The following TMEM30A variants were observed in gnomAD, a reference collection of about 807,000 sequenced individuals.
The protein encoded by TMEM30A is cell cycle control protein 50A.
Under a neutral mutation model 38.2 loss-of-function variants are expected in TMEM30A, and 24 were observed. That is an observed-to-expected ratio of 0.63 (90% confidence interval 0.46 to 0.88). The LOEUF is 0.88. Among genes scored for constraint, TMEM30A ranks in the 40% least tolerant of loss-of-function variants. The pLI is 0.00. For missense variants in TMEM30A, 370 were observed against 458.6 expected (o/e 0.81, Z 1.77); for synonymous variants, 145 against 161.6 (o/e 0.90, Z 0.78).
intron 1 of TMEM30A, chr6:75,272,943 A>G (rs1334576003): frequency 1.3e-5 from 2 of 152,258 alleles, no homozygotes; most frequent in African/African-American, 4.8e-5. Flanking sequence ...ACTCCCACAT[A>G]GACCAGTGAA....
At chr6:75,261,993 T>A (rs1266343013) in intron 3 of TMEM30A, among the ~76,000 whole-genome samples, 1 of 152,232 alleles carries the variant, frequency 6.6e-6, no homozygotes, top group Non-Finnish European at 1.5e-5. Context: ...ATTTACTATC[T>A]ATGTGTCAGG....
intron 6 of TMEM30A, 49 bp downstream of exon 6, chr6:75,258,731 G>A (rs778642940): frequency 2.6e-5 from 40 of 1,551,192 alleles, no homozygotes; most frequent in Admixed American, 6.8e-5. Context: ...GGTTGGACTC[G>A]ACTCCTTTCA....
chr6:75,277,858 G>A (rs775635546), intron 1 of TMEM30A, among the ~76,000 whole-genome samples: 1 of 152,096 alleles, frequency 6.6e-6, no homozygotes, highest in African/African-American at 2.4e-5. Context: ...AGTGCGCTAC[G>A]ACTGTACCAC....
At position 75,258,916 on chromosome 6, in the gene TMEM30A, G is replaced by T; in HGVS notation, c.756C>A (p.Phe252Leu). 3 of 1,613,910 alleles carry T rather than the reference G, an allele frequency of 1.9e-6. No individual in the cohort carries two copies. The highest frequency in any genetic ancestry group is 2.5e-6 in the Non-Finnish European group (3 of 1,179,932). ...MLDSDPDNNG[F>L]INEDFIVWMR... Reference sequence around the variant, plus strand: ...TCCAAACAATAAAATCCTCATTTATGAATCCATTATTATCTGGGTCAGAAT... The same window carrying T: ...TCCAAACAATAAAATCCTCATTTATTAATCCATTATTATCTGGGTCAGAAT... Residue 252 changes from phenylalanine to leucine, a missense_variant, in exon 6 of 7, where the codon TTC (phenylalanine) becomes TTA (leucine). Coordinates refer to ENST00000230461, the MANE Select transcript of TMEM30A (RefSeq NM_018247.4).
rs893912523 is a variant in TMEM30A, at chr6:75,284,742, C to T, written c.-104G>A. On this transcript the variant is annotated 5_prime_UTR_variant, in exon 1 of 7. Coordinates refer to ENST00000230461, the MANE Select transcript of TMEM30A (RefSeq NM_018247.4). ...CGAGCGCCGCTGCCGCCGCCGCCGCCGCAGCCACCAGCGCCACCGCCACAG... is the reference window on the plus strand; with the variant it reads ...CGAGCGCCGCTGCCGCCGCCGCCGCTGCAGCCACCAGCGCCACCGCCACAG... The T allele has an allele frequency of 9.0e-7, 1 of 1,115,274 alleles. No homozygotes were observed. The highest frequency in any genetic ancestry group is 1.3e-5 in the South Asian group (1 of 79,968). 69.1% of individuals were successfully genotyped at this position (1,115,274 alleles called of 1,614,324 possible).
At chr6:75,283,653 T>TAA (rs77411428) in intron 1 of TMEM30A, among the ~76,000 whole-genome samples, 1 of 135,510 alleles carries the variant, frequency 7.4e-6, no homozygotes, top group Non-Finnish European at 1.6e-5. Context: ...GCTCTTTTTG[T>TAA]AAAAAAAAAA....
At position 75,256,218 on chromosome 6, in the gene TMEM30A, A is replaced by G. The variant is rs1051873933; in HGVS notation, c.970T>C (p.Phe324Leu). 1 of 1,613,660 alleles carries G rather than the reference A, an allele frequency of 6.2e-7. No individual in the cohort carries two copies. The highest frequency in any genetic ancestry group is 1.3e-5 in the African/African-American group (1 of 75,034). Residue 324 changes from phenylalanine (F) to leucine (L), a missense_variant, in exon 7 of 7, where the codon TTT becomes CTT. Transcript: ENST00000230461. The part of the protein sequence containing the change: ...TISWMGGKNP[F>L]LGIAYIAVGS... ...ACAGCGATGTAAGCAATCCCCAAAAATGGATTTTTTCCTCCCATCCATGAA... is the reference window on the plus strand; with the variant it reads ...ACAGCGATGTAAGCAATCCCCAAAAGTGGATTTTTTCCTCCCATCCATGAA...
At chr6:75,282,071 C>A (rs890569085) in intron 1 of TMEM30A, among the ~76,000 whole-genome samples, 7 of 152,204 alleles carry the variant, frequency 4.6e-5, no homozygotes, top group African/African-American at 1.7e-4. Context: ...TTAAACACAT[C>A]CTGCTTTTTT....
Position 75,284,587 on chromosome 6 carries a change from C to T in TMEM30A, c.52G>A (p.Ala18Thr). The T allele has an allele frequency of 6.2e-7, 1 of 1,613,676 alleles. No individual in the cohort carries two copies. Among genetic ancestry groups the T allele is most frequent in the Non-Finnish European group, 8.5e-7 (1 of 1,179,906 alleles). ...CGAGTCTTCGCGGTGCCCCCCGGAGCACACGGGGGCCCACCGTCCACTTCA... is the reference window on the plus strand; with the variant it reads ...CGAGTCTTCGCGGTGCCCCCCGGAGTACACGGGGGCCCACCGTCCACTTCA... ...KDEVDGGPPC[A>T]PGGTAKTRRP... is the part of the protein sequence containing the mutation. The change falls in exon 1 of 7, where the codon GCT becomes ACT. Residue 18 changes from alanine to threonine, a missense_variant. Ala to Thr is a moderately conservative substitution (Grantham distance 58). Coordinates refer to ENST00000230461, the MANE Select transcript of TMEM30A (RefSeq NM_018247.4).
intron 1 of TMEM30A, among the ~76,000 whole-genome samples, chr6:75,269,787 T>C (rs923565894): frequency 6.6e-6 from 1 of 152,244 alleles, no homozygotes; most frequent in Middle Eastern, 3.4e-3. Flanking sequence ...CTCCGCCTCC[T>C]GGGTTCAAGT....
In TMEM30A at chr6:75,267,719, A is replaced by T; in HGVS notation, c.267T>A (p.Ser89Arg). 1 of 1,610,580 alleles carries T rather than the reference A, an allele frequency of 6.2e-7. No homozygotes were observed. The highest frequency in any genetic ancestry group is 8.5e-7 in the Non-Finnish European group (1 of 1,178,334). The change falls in exon 2 of 7, where the codon AGT (serine) becomes AGA (arginine). Residue 89 changes from serine (S) to arginine (R), a missense_variant. By Grantham distance (110) the Ser-to-Arg change is moderately radical (BLOSUM62 -1). Transcript: ENST00000230461. ...CCGGAGATAAACATTTATTACAGGGACTGGAAGGCTCTGTTCCGGTATAAT... is the reference window on the plus strand; with the variant it reads ...CCGGAGATAAACATTTATTACAGGGTCTGGAAGGCTCTGTTCCGGTATAAT... ...EIDYTGTEPS[S>R]PCNKCLSPDV... is the part of the protein sequence containing the mutation.
intron 2 of TMEM30A, among the ~76,000 whole-genome samples, chr6:75,266,661 T>C (rs1208462424): frequency 6.6e-6 from 1 of 152,200 alleles, no homozygotes; most frequent in African/African-American, 2.4e-5. Context: ...ATAGAGCTTC[T>C]ATATCACTAC....
intron 1 of TMEM30A, chr6:75,272,391 T>G (rs991216754): frequency 6.6e-6 from 1 of 152,258 alleles, no homozygotes; most frequent in Admixed American, 6.5e-5. Flanking sequence ...CCTTCCTTAT[T>G]TGGAAATGTT....
rs1771865082 is a variant in TMEM30A, at chr6:75,256,247, G to A, written c.941C>T (p.Thr314Ile). 6.2e-7 allele frequency: 1 copy of A among 1,613,468 alleles called. No homozygotes were observed. The highest frequency in any genetic ancestry group is 1.7e-5 in the Admixed American group (1 of 59,980). The change falls in exon 7 of 7, where the codon ACT becomes ATT. Residue 314 changes from threonine to isoleucine, a missense_variant. Transcript: ENST00000230461. ...ATTTTTTCCTCCCATCCATGAAATA[G>A]TGCTCAAGATCATCCGTTTTCGTCC... ...FDGRKRMILSTISWMGGKNPF... is the reference protein window; with the variant it reads ...FDGRKRMILSIISWMGGKNPF...
chr6:75,271,261 T>C (rs1772163794), intron 1 of TMEM30A, among the ~76,000 whole-genome samples: 1 of 152,134 alleles, frequency 6.6e-6, no homozygotes, highest in Non-Finnish European at 1.5e-5. Context: ...TTTTTTTAAC[T>C]GAACAAAAAT....
At chr6:75,260,688 C>T in intron 4 of TMEM30A, 136 bp downstream of exon 4, 1 of 457,820 alleles carries the variant, frequency 2.2e-6, no homozygotes, top group Non-Finnish European at 3.8e-6. Context: ...CATTATAATA[C>T]CCCATTCAAT....
chr6:75,269,239 A>C (rs1029041764), intron 1 of TMEM30A, among the ~76,000 whole-genome samples: 2 of 152,172 alleles, frequency 1.3e-5, no homozygotes, highest in African/African-American at 4.8e-5. Flanking sequence ...ACGTATAATG[A>C]GTATCCACCA....
At position 75,253,494 on chromosome 6, in the gene TMEM30A, A is replaced by T. The variant is rs1476535931; in HGVS notation, c.*2608T>A. On this transcript the variant is annotated 3_prime_UTR_variant, in exon 7 of 7. Transcript: ENST00000230461. ...TTAACAATGAATTACATTTTATCCC[A>T]TCCAGGCATGAAGAAGTTAAAACCT... 6.6e-6 allele frequency: 1 copy of T among 152,588 alleles called. No individual in the cohort carries two copies. The highest frequency in any genetic ancestry group is 1.5e-5 in the Non-Finnish European group (1 of 68,004). 9.5% of individuals were successfully genotyped at this position (152,588 alleles called of 1,614,324 possible). A position where few individuals can be genotyped will look rare whatever the true frequency, so the allele number is the denominator to read the frequency against.
In TMEM30A at chr6:75,259,448, A is replaced by G; in HGVS notation, c.584T>C (p.Ile195Thr). The G allele has an allele frequency of 6.2e-7, 1 of 1,611,396 alleles. No homozygotes were observed. Among genetic ancestry groups the G allele is most frequent in the Non-Finnish European group, 8.5e-7 (1 of 1,178,980 alleles). The change falls in exon 5 of 7, where the codon ATA becomes ACA. Residue 195 changes from isoleucine to threonine, a missense_variant. By Grantham distance (89) the Ile-to-Thr change is moderately conservative. Coordinates refer to ENST00000230461, the MANE Select transcript of TMEM30A (RefSeq NM_018247.4). ...LFLIGNDSYP[I>T]PIALKKKGIA... ...ACCTTTCTTTTTCAAAGCGATAGGT[A>G]TAGGATAAGAATCATTGCCAATGAG...
Sources: allele counts gnomAD v4.1 joint callset (sites outside exome capture counted in the v4.1 genomes callset), GRCh38; gene constraint gnomAD v4.1.1; transcripts MANE v1.5; gene names NCBI Gene and HGNC (gene_info 2026-07-23, HGNC 2026-07-21).